EBNA1BP2: variants seen among roughly 807,000 people sequenced by gnomAD.
EBNA1BP2 encodes the protein probable rRNA-processing protein EBP2.
EBNA1BP2 carries 36 observed loss-of-function variants against 43.5 expected under a neutral mutation model. The observed-to-expected ratio is 0.83, with a 90% CI of 0.63 to 1.09. The LOEUF is 1.09. Among genes scored for constraint, EBNA1BP2 ranks in the 50% least tolerant of loss-of-function variants. EBNA1BP2 has a pLI of 0.00. For synonymous variants in EBNA1BP2, 127 were observed against 141.3 expected (o/e 0.90, Z 0.72); for missense variants, 332 against 379.1 (o/e 0.88, Z 1.03).
intron 5 of EBNA1BP2, 95 bp from the exon 6 acceptor site, chr1:43,167,330 C>T: frequency 8.5e-7 from 1 of 1,171,748 alleles, no homozygotes; most frequent in Non-Finnish European, 1.3e-6. Context: ...AATACCACTA[C>T]CCTCTGACAT....
At position 43,167,242 on chromosome 1, in the gene EBNA1BP2, T is replaced by C. The variant is rs575954451; in HGVS notation, c.538-7A>G. 6.2e-7 allele frequency: 1 copy of C among 1,614,074 alleles called. No individual in the cohort carries two copies. Among genetic ancestry groups the C allele is most frequent in the South Asian group, 1.1e-5 (1 of 91,084 alleles). On this transcript the variant is annotated splice_polypyrimidine_tract_variant and splice_region_variant and intron_variant, in intron 5 of 8. Transcript: ENST00000236051. ...GAAGAACCTCCGTTTGCACCTGTGA[T>C]ATGAACACAAGGACCGTTACAGCCA...
At position 43,171,918 on chromosome 1, in the gene EBNA1BP2, G is replaced by T; in HGVS notation, c.118C>A (p.Leu40Ile). The T allele has an allele frequency of 6.2e-7, 1 of 1,614,114 alleles. No homozygotes were observed. Among genetic ancestry groups the T allele is most frequent in the South Asian group, 1.1e-5 (1 of 91,080 alleles). ...GLLKPGLNVV[L>I]EGPKKAVNDV... ...TTCACGGCCTTCTTCGGCCCCTCTA[G>T]CACGACATTGAGGCCTGGCTTCAGA... The change falls in exon 2 of 9, where the codon CTA (leucine) becomes ATA (isoleucine). Residue 40 changes from leucine (L) to isoleucine (I), a missense_variant. Physicochemically the swap from Leu to Ile is conservative, Grantham distance 5. Coordinates refer to ENST00000236051, the MANE Select transcript of EBNA1BP2 (RefSeq NM_006824.3).
In EBNA1BP2 at chr1:43,168,950, A is replaced by G; in HGVS notation, c.526T>C (p.Tyr176His). 6.2e-7 allele frequency: 1 copy of G among 1,614,004 alleles called. No individual in the cohort carries two copies. Among genetic ancestry groups the G allele is most frequent in the African/African-American group, 1.3e-5 (1 of 74,998 alleles). Residue 176 changes from tyrosine (Y) to histidine (H), a missense_variant, in exon 5 of 9, where the codon TAC (tyrosine) becomes CAC (histidine). Tyr to His is a moderately conservative substitution (Grantham distance 83). Transcript: ENST00000236051. ...ACTTTTCTTCTCACCTTCTTCCCGT[A>G]TTTCCTAAGTGCTCGCAGTTGCTTA... ...KAKQLRALRK[Y>H]GKKVQTEVLQ...
intron 4 of EBNA1BP2, 33 bp from the exon 5 acceptor site, chr1:43,169,061 T>G (rs1021956773): frequency 6.2e-7 from 1 of 1,608,230 alleles, no homozygotes; most frequent in South Asian, 1.1e-5. Context: ...TTCATGTCAT[T>G]TGAATCTGGA....
intron 7 of EBNA1BP2, among the ~76,000 whole-genome samples, chr1:43,165,979 C>T (rs1056357126): frequency 6.6e-6 from 1 of 152,200 alleles, no homozygotes; most frequent in African/African-American, 2.4e-5. Context: ...CAGTACTAAT[C>T]CCCAAATGCC....
Position 43,164,436 on chromosome 1 carries a change from A to G in EBNA1BP2, c.*7T>C. 1 of 1,614,152 alleles carries G rather than the reference A, an allele frequency of 6.2e-7. No homozygotes were observed. The highest frequency in any genetic ancestry group is 1.1e-5 in the South Asian group (1 of 91,086). On this transcript the variant is annotated 3_prime_UTR_variant, in exon 9 of 9. Transcript: ENST00000236051. ...TTTTCTTGGTTCTTTGTATTCAAAG[A>G]TGCTATTTAGTGTGTTCTGTTCTTC...
At chr1:43,172,303 G>A (rs1481935342), upstream of EBNA1BP2, 6 of 1,551,816 alleles carry the variant, frequency 3.9e-6, no homozygotes, top group African/African-American at 4.1e-5. Context: ...CTTTTGATTG[G>A]GACTTCCGCT....
chr1:43,171,916 T>C lies in EBNA1BP2; in HGVS notation c.120A>G (p.Leu40=). 1.2e-6 allele frequency: 2 copies of C among 1,614,072 alleles called. No homozygotes were observed. Among genetic ancestry groups the C allele is most frequent in the Non-Finnish European group, 1.7e-6 (2 of 1,179,978 alleles). The stretch of plus-strand genomic sequence containing the variant: ...CGTTCACGGCCTTCTTCGGCCCCTC[T>C]AGCACGACATTGAGGCCTGGCTTCA... ...GLLKPGLNVV[L]EGPKKAVNDV... Residue 40 remains leucine (L), a synonymous_variant, in exon 2 of 9, where the codon CTA becomes CTG. Coordinates refer to ENST00000236051, the MANE Select transcript of EBNA1BP2 (RefSeq NM_006824.3).
upstream of EBNA1BP2, chr1:43,172,392 G>A: frequency 1.9e-6 from 3 of 1,551,536 alleles, no homozygotes; most frequent in Non-Finnish European, 2.6e-6. Flanking sequence ...GGTTGCTTAG[G>A]ATCCCTACAG....
chr1:43,168,714 C>T (rs935595080), intron 5 of EBNA1BP2, among the ~76,000 whole-genome samples: 11 of 152,146 alleles, frequency 7.2e-5, no homozygotes, highest in African/African-American at 2.2e-4. Flanking sequence ...TGAAAACTAA[C>T]GCCCAGAGAG....
intron 3 of EBNA1BP2, chr1:43,171,140 G>A (rs1430372760): frequency 4.3e-6 from 2 of 464,604 alleles, no homozygotes; most frequent in Non-Finnish European, 7.2e-6. Context: ...TAACACAAAC[G>A]AATGTCGATT....
At chr1:43,168,814 T>G in intron 5 of EBNA1BP2, 125 bp downstream of exon 5, 1 of 986,084 alleles carries the variant, frequency 1.0e-6, no homozygotes, top group South Asian at 1.3e-5. Flanking sequence ...GCACATACAC[T>G]GAGAGACGGT....
intron 1 of EBNA1BP2, 41 bp downstream of exon 1, chr1:43,172,012 C>T: frequency 6.2e-7 from 1 of 1,614,172 alleles, no homozygotes; most frequent in Non-Finnish European, 8.5e-7. Flanking sequence ...TGTAAGGCCC[C>T]CTCTCCCACG....
chr1:43,164,604 C>G (rs1169563489), intron 8 of EBNA1BP2, 39 bp downstream of exon 8: 6 of 1,613,610 alleles, frequency 3.7e-6, no homozygotes, highest in Non-Finnish European at 5.1e-6. Context: ...GGAGGGGAGG[C>G]TGAGCCTGCT....
chr1:43,171,644 A>G lies in EBNA1BP2; in HGVS notation c.158T>C (p.Leu53Pro). Residue 53 changes from leucine to proline, a missense_variant, in exon 3 of 9, where the codon CTG becomes CCG. This residue lies in a region of EBNA1BP2 where 182 missense variants were observed against 173.7 expected (regional missense o/e 1.05). Transcript: ENST00000236051. ...PKKAVNDVNG[L>P]KQCLAEFKRD... is the part of the protein sequence containing the mutation. ...CTTGAATTCTGCCAAACATTGCTTC[A>G]GGCCATTCTAGGAAATCCAGACACT... 2.5e-6 allele frequency: 4 copies of G among 1,613,250 alleles called. No homozygotes were observed. Among genetic ancestry groups the G allele is most frequent in the East Asian group, 2.2e-5 (1 of 44,862 alleles).
Position 43,170,875 on chromosome 1 carries a change from G to C in EBNA1BP2, c.328C>G (p.Arg110Gly), listed in dbSNP as rs1163517216. The C allele has an allele frequency of 1.1e-5, 17 of 1,571,614 alleles. No individual in the cohort carries two copies. The highest frequency in any genetic ancestry group is 4.2e-5 in the African/African-American group (3 of 72,004). Residue 110 changes from arginine (R) to glycine (G), a missense_variant, in exon 4 of 9, where the codon CGC becomes GGC. Around this residue, in one of 3 missense-constraint regions of EBNA1BP2, gnomAD observed 182 missense variants for 173.7 expected, o/e 1.05. Transcript: ENST00000236051. ...GCAAGCACTGCGGCCTGGGCTTGGC[G>C]ATAGCTGAGAATCGTAGGACAAAAT... The part of the protein sequence containing the change: ...DDFQREMSFY[R>G]QAQAAVLAVL...
chr1:43,165,541 C>T (rs1236426198), intron 7 of EBNA1BP2, among the ~76,000 whole-genome samples: 1 of 152,196 alleles, frequency 6.6e-6, no homozygotes, highest in Non-Finnish European at 1.5e-5. Flanking sequence ...TGCAATAGTA[C>T]CCTTGTCAAT....
At chr1:43,167,020 T>C (rs1338372768) in intron 6 of EBNA1BP2, 101 bp from the exon 7 acceptor site, 2 of 1,494,130 alleles carry the variant, frequency 1.3e-6, no homozygotes, top group Non-Finnish European at 1.9e-6. Flanking sequence ...ATTTTAAGAG[T>C]CACATCCTGC....
chr1:43,170,236 T>C (rs905499984), intron 4 of EBNA1BP2, among the ~76,000 whole-genome samples: 3 of 152,206 alleles, frequency 2.0e-5, no homozygotes, highest in African/African-American at 7.2e-5. Flanking sequence ...GCTGAACCCA[T>C]GGCTATGGAG....
Sources: allele counts gnomAD v4.1 joint callset (sites outside exome capture counted in the v4.1 genomes callset), GRCh38; gene constraint gnomAD v4.1.1; regional missense constraint gnomAD v4.1.1; transcripts MANE v1.5; gene names NCBI Gene and HGNC (gene_info 2026-07-23, HGNC 2026-07-21).